The following DCLK1 variants were observed in gnomAD, a reference collection of about 807,000 sequenced individuals.
DCLK1 encodes serine/threonine-protein kinase DCLK1.
DCLK1 carries 16 observed loss-of-function variants against 86.2 expected under a neutral mutation model. The ratio of observed to expected loss-of-function variants is 0.19; its 90% CI spans 0.13 to 0.28. DCLK1 has a LOEUF of 0.28. Among genes scored for constraint, DCLK1 ranks in the 10% least tolerant of loss-of-function variants. The pLI is 1.00. For synonymous variants in DCLK1, 369 were observed against 370.5 expected (o/e 1.00, Z 0.05); for missense variants, 590 against 940.2 (o/e 0.63, Z 4.87).
At chr13:36,103,744 T>C (rs1226425280) in intron 3 of DCLK1, among the ~76,000 whole-genome samples, 4 of 152,230 alleles carry the variant, frequency 2.6e-5, no homozygotes, top group Non-Finnish European at 4.4e-5. Flanking sequence ...CAACATATTA[T>C]AGTCTGCCAC....
rs750993021 is a variant in DCLK1 at position 35,810,848 on chromosome 13, T to C, written c.1675A>G (p.Ile559Val). ...GTPTYVAPEI[I>V]AETGYGLKVD... ...AGAAGCATTTACCCAGTCTCTGCAA[T>C]GATTTCTGGAGCCACGTATGTTGGG... The change falls in exon 12 of 17, where the codon ATT (isoleucine) becomes GTT (valine). Residue 559 changes from isoleucine to valine, a missense_variant. Ile to Val is a conservative substitution (Grantham distance 29). Around this residue, in one of 6 missense-constraint regions of DCLK1, gnomAD observed 28 missense variants for 77.1 expected, o/e 0.36. Transcript: ENST00000360631. The C allele has an allele frequency of 6.2e-7, 1 of 1,613,898 alleles. No individual in the cohort carries two copies. The highest frequency in any genetic ancestry group is 8.5e-7 in the Non-Finnish European group (1 of 1,179,920).
intron 3 of DCLK1, among the ~76,000 whole-genome samples, chr13:36,099,693 A>C: frequency 6.6e-6 from 1 of 152,226 alleles, no homozygotes; most frequent in East Asian, 1.9e-4. Context: ...GCTAAAGCAC[A>C]ATCATCTTAA....
At position 35,911,250 on chromosome 13, in the gene DCLK1, C is replaced by T. The variant is rs572025030; in HGVS notation, c.823+36108G>A. On this transcript the variant is annotated intron_variant, in intron 4 of 16. Coordinates refer to ENST00000360631, the MANE Select transcript of DCLK1 (RefSeq NM_001330071.2). Reference sequence around the variant, plus strand: ...CAGAGCTTGCAGTGAGCAGAGGTTGCGCCACTGCACTCCAGCCTGGGTGAC... The same window carrying T: ...CAGAGCTTGCAGTGAGCAGAGGTTGTGCCACTGCACTCCAGCCTGGGTGAC... Among the ~76,000 whole-genome samples the T allele has an allele frequency of 3.0e-3, 448 of 150,686 alleles. 1 individual carries two copies. The highest frequency in any genetic ancestry group is 0.01 in the African/African-American group (415 of 40,936).
rs1293750061 is a variant in DCLK1 at position 35,816,836 on chromosome 13, C to T, written c.1555-5868G>A. Among the ~76,000 whole-genome samples the T allele has an allele frequency of 5.3e-5, 8 of 152,130 alleles. 1 individual carries two copies. The highest frequency in any genetic ancestry group is 5.2e-4 in the Admixed American group (8 of 15,274). ...GGTTTTTTTTCCTCATACTGCAAAA[C>T]CCTGATGTGAACATCCCTCTGGATA... On this transcript the variant is annotated intron_variant, in intron 11 of 16. Transcript: ENST00000360631.
intron 3 of DCLK1, among the ~76,000 whole-genome samples, chr13:35,984,550 C>A (rs1879808512): frequency 6.6e-6 from 1 of 152,170 alleles, no homozygotes; most frequent in Admixed American, 6.5e-5. Context: ...AACTCTGACA[C>A]CCAAACTGCC....
chr13:35,999,590 C>CA (rs1354178388), intron 3 of DCLK1, among the ~76,000 whole-genome samples: 2 of 152,194 alleles, frequency 1.3e-5, no homozygotes, highest in Non-Finnish European at 2.9e-5. Flanking sequence ...TCCCTGCCAT[C>CA]AGGGAGACAG....
intron 3 of DCLK1, among the ~76,000 whole-genome samples, chr13:36,086,644 TG>T (rs1204463609): frequency 2.0e-5 from 3 of 151,932 alleles, no homozygotes; most frequent in Non-Finnish European, 1.5e-5. Flanking sequence ...TAAAAGGCCC[TG>T]GTGTGTGATG....
chr13:36,098,787 C>T (rs1277834639), intron 3 of DCLK1, among the ~76,000 whole-genome samples: 1 of 152,102 alleles, frequency 6.6e-6, no homozygotes, highest in East Asian at 1.9e-4. Flanking sequence ...GAACTTTACA[C>T]ACCTGATTCC....
intron 4 of DCLK1, among the ~76,000 whole-genome samples, chr13:35,938,824 T>G (rs1876917224): frequency 6.6e-6 from 1 of 152,128 alleles, no homozygotes; most frequent in Non-Finnish European, 1.5e-5. Context: ...TTCTATATTT[T>G]GTAGGGTTTT....
intron 4 of DCLK1, among the ~76,000 whole-genome samples, chr13:35,892,032 G>A (rs902825929): frequency 6.6e-6 from 1 of 152,064 alleles, no homozygotes; most frequent in Non-Finnish European, 1.5e-5. Flanking sequence ...AAATAGTCTT[G>A]AATGATTCAA....
chr13:35,945,699 C>T (rs1432454221), intron 4 of DCLK1, among the ~76,000 whole-genome samples: 1 of 152,118 alleles, frequency 6.6e-6, no homozygotes, highest in Non-Finnish European at 1.5e-5. Context: ...TGACTCTTGA[C>T]TTTCACCTGT....
In DCLK1 at chr13:35,948,122, G is replaced by A. The variant is rs527842570; in HGVS notation, c.724-665C>T. On this transcript the variant is annotated intron_variant, in intron 3 of 16. Coordinates refer to ENST00000360631, the MANE Select transcript of DCLK1 (RefSeq NM_001330071.2). ...TAAGGCAACCTTTTGATATTTACTC[G>A]ACTTACTCTCCAATGAGAACTTTAA... Among the ~76,000 whole-genome samples the A allele has an allele frequency of 5.1e-3, 783 of 152,262 alleles. 7 individuals carry two copies. Among genetic ancestry groups the A allele is most frequent in the Non-Finnish European group, 7.7e-3 (521 of 68,024 alleles).
At chr13:35,814,435 G>A (rs890854560) in intron 11 of DCLK1, among the ~76,000 whole-genome samples, 3 of 152,214 alleles carry the variant, frequency 2.0e-5, no homozygotes, top group Non-Finnish European at 4.4e-5. Context: ...ACTGCTCTCT[G>A]GATTGACTTG....
intron 4 of DCLK1, among the ~76,000 whole-genome samples, chr13:35,930,248 A>G (rs1055529408): frequency 4.6e-5 from 7 of 152,224 alleles, no homozygotes; most frequent in Non-Finnish European, 8.8e-5. Context: ...GTAGGCTCTT[A>G]ACTAGTACAT....
chr13:35,848,114 T>C (rs1870346734), intron 6 of DCLK1: 1 of 985,234 alleles, frequency 1.0e-6, no homozygotes, highest in Non-Finnish European at 1.2e-6. Context: ...TACAGCACGA[T>C]GTCTTCAGAG....
At chr13:36,123,271 C>T (rs757212620) in intron 2 of DCLK1, among the ~76,000 whole-genome samples, 42 of 152,000 alleles carry the variant, frequency 2.8e-4, no homozygotes, top group African/African-American at 9.2e-4. Flanking sequence ...GACAAAGAGG[C>T]GAATCTAAAT....
intron 4 of DCLK1, among the ~76,000 whole-genome samples, chr13:35,900,919 AC>A (rs1040542168): frequency 6.6e-6 from 1 of 152,204 alleles, no homozygotes; most frequent in African/African-American, 2.4e-5. Flanking sequence ...AGAACAGGGA[AC>A]TTTATGATGA....
At chr13:35,967,830 T>TAA (rs912061833) in intron 3 of DCLK1, among the ~76,000 whole-genome samples, 2 of 150,852 alleles carry the variant, frequency 1.3e-5, no homozygotes, top group Non-Finnish European at 3.0e-5. Flanking sequence ...CAATAAATAC[T>TAA]AAAAAAAATT....
chr13:35,931,557 T>C (rs767421629), intron 4 of DCLK1, among the ~76,000 whole-genome samples: 1 of 152,186 alleles, frequency 6.6e-6, no homozygotes, highest in Non-Finnish European at 1.5e-5. Flanking sequence ...ATATTCTCAA[T>C]GCTCTTTGAA....
Sources: allele counts gnomAD v4.1 joint callset (sites outside exome capture counted in the v4.1 genomes callset), GRCh38; gene constraint gnomAD v4.1.1; regional missense constraint gnomAD v4.1.1; transcripts MANE v1.5; gene names NCBI Gene and HGNC (gene_info 2026-07-23, HGNC 2026-07-21).